The following GNAQ variants were observed in gnomAD, a reference collection of about 807,000 sequenced individuals.
GNAQ encodes the protein G protein subunit alpha q, also known as guanine nucleotide-binding protein G(q) subunit alpha.
GNAQ carries 8 observed loss-of-function variants against 43.9 expected under a neutral mutation model. The ratio of observed to expected loss-of-function variants is 0.18; its 90% confidence interval spans 0.11 to 0.33. The LOEUF (loss-of-function observed/expected upper bound fraction) is 0.33. GNAQ is among the 10% of genes least tolerant of loss of function. The probability of loss-of-function intolerance (pLI) is 1.00; values close to 1 mark genes in which losing one functional copy is unlikely to be tolerated. For missense variants in GNAQ, 158 were observed against 450.8 expected, an observed-to-expected ratio of 0.35 and a Z score of 5.88; for synonymous variants, 155 against 170.7, an observed-to-expected ratio of 0.91 and a Z score of 0.71.
intron 2 of GNAQ, among the ~76,000 whole-genome samples, chr9:77,830,587 A>C (rs572838868): frequency 6.6e-6 from 1 of 152,336 alleles, no homozygotes; most frequent in Admixed American, 6.5e-5. Context: ...ACAAAATGTT[A>C]GTCTTCCAAA....
chr9:78,018,545 A>G (rs1823866543), intron 1 of GNAQ, among the ~76,000 whole-genome samples: 1 of 152,232 alleles, frequency 6.6e-6, no homozygotes, highest in Admixed American at 6.5e-5. Context: ...TCATTCTTTC[A>G]AAGACTAGCA....
chr9:78,026,991 T>A (rs1051362326), intron 1 of GNAQ, among the ~76,000 whole-genome samples: 1 of 152,198 alleles, frequency 6.6e-6, no homozygotes, highest in Non-Finnish European at 1.5e-5. Flanking sequence ...GAGAAAAATG[T>A]ATGGTAAAAA....
At chr9:77,980,740 T>C (rs553284014) in intron 1 of GNAQ, among the ~76,000 whole-genome samples, 54 of 152,308 alleles carry the variant, frequency 3.5e-4, no homozygotes, top group Admixed American at 1.4e-3. Context: ...TGTGAATCAC[T>C]TGATAGGCTA....
intron 2 of GNAQ, among the ~76,000 whole-genome samples, chr9:77,904,165 C>T (rs1328888397): frequency 6.6e-6 from 1 of 152,070 alleles, no homozygotes; most frequent in Non-Finnish European, 1.5e-5. Flanking sequence ...ATCTATCCTG[C>T]ATCTACTTGG....
chr9:77,716,234 G>A lies in GNAQ; in HGVS notation c.*5089C>T, dbSNP rs1478423799. The stretch of plus-strand genomic sequence containing the variant: ...TGAGAGGGGCTCGGGCAACTTTAAT[G>A]GAAGCAAAACTCAACAATGAAGAAT... On this transcript the variant is annotated 3_prime_UTR_variant, in exon 7 of 7. Coordinates refer to ENST00000286548, the MANE Select transcript of GNAQ (RefSeq NM_002072.5). 4.5e-6 allele frequency: 1 copy of A among 219,928 alleles called. No individual in the cohort carries two copies. The highest frequency in any genetic ancestry group is 2.2e-5 in the African/African-American group (1 of 44,454). The allele number at this position is 219,928 out of a possible 1,614,324, so 13.6% of individuals were successfully genotyped here.
intron 1 of GNAQ, among the ~76,000 whole-genome samples, chr9:77,956,939 C>T (rs1285521009): frequency 6.6e-6 from 1 of 152,108 alleles, no homozygotes; most frequent in Non-Finnish European, 1.5e-5. Flanking sequence ...CTAGGTGATC[C>T]TGATGGACAA....
At chr9:77,797,779 GA>G in intron 3 of GNAQ, 131 bp from the exon 4 acceptor site, 2 of 738,884 alleles carry the variant, frequency 2.7e-6, no homozygotes, top group South Asian at 3.8e-5. Flanking sequence ...GAAAGTGGTA[GA>G]GGAGTCTGTG....
At chr9:77,826,088 C>G (rs181641524) in intron 2 of GNAQ, among the ~76,000 whole-genome samples, 1 of 152,290 alleles carries the variant, frequency 6.6e-6, no homozygotes, top group Admixed American at 6.5e-5. Flanking sequence ...AAGAGGACAA[C>G]AGGCTGTAGC....
chr9:77,844,754 C>G (rs1352025041), intron 2 of GNAQ, among the ~76,000 whole-genome samples: 1 of 151,998 alleles, frequency 6.6e-6, no homozygotes, highest in Non-Finnish European at 1.5e-5. Context: ...CTTACTGCAA[C>G]CTCTACCTCC....
intron 5 of GNAQ, among the ~76,000 whole-genome samples, chr9:77,761,835 T>G: frequency 2.1e-5 from 1 of 48,700 alleles, no homozygotes; most frequent in Non-Finnish European, 4.9e-5. Context: ...AGCCGCCCCG[T>G]CCGGGAGGGA....
intron 2 of GNAQ, among the ~76,000 whole-genome samples, chr9:77,839,726 T>A (rs1439023850): frequency 6.6e-6 from 1 of 152,240 alleles, no homozygotes; most frequent in Non-Finnish European, 1.5e-5. Flanking sequence ...GGCTATACTT[T>A]AACTTGGAGG....
intron 1 of GNAQ, 55 bp downstream of exon 1, chr9:78,031,045 C>T: frequency 3.0e-6 from 4 of 1,314,260 alleles, no homozygotes; most frequent in Non-Finnish European, 4.0e-6. Context: ...CCCGCAGGGC[C>T]AAGGATGGTG....
At chr9:77,797,675 T>C (rs960479253) in intron 3 of GNAQ, 27 bp from the exon 4 acceptor site, 1 of 1,608,596 alleles carries the variant, frequency 6.2e-7, no homozygotes, top group Non-Finnish European at 8.5e-7. Flanking sequence ...ACAATGAGAA[T>C]GTCAGTGACA....
chr9:77,763,165 A>C (rs1826081975), intron 5 of GNAQ, among the ~76,000 whole-genome samples: 1 of 151,756 alleles, frequency 6.6e-6, no homozygotes, highest in East Asian at 1.9e-4. Context: ...ACAAAGGAAA[A>C]GGTAAGTGCC....
intron 2 of GNAQ, among the ~76,000 whole-genome samples, chr9:77,846,879 C>T (rs1827594269): frequency 6.6e-6 from 1 of 152,170 alleles, no homozygotes; most frequent in Non-Finnish European, 1.5e-5. Flanking sequence ...TCTCACATTA[C>T]AGATGAGGAA....
rs1825271935 is a variant in GNAQ, at chr9:77,719,220, T to C, written c.*2103A>G. 1 of 231,842 alleles carries C rather than the reference T, an allele frequency of 4.3e-6. No individual in the cohort carries two copies. Among genetic ancestry groups the C allele is most frequent in the Non-Finnish European group, 8.5e-6 (1 of 117,338 alleles). The allele number at this position is 231,842 out of a possible 1,614,324, so 14.4% of individuals were successfully genotyped here. On this transcript the variant is annotated 3_prime_UTR_variant, in exon 7 of 7. Transcript: ENST00000286548. ...TCTTAAAAAAGTAAATAAAATAACA[T>C]TATTCAAAACGTGAATTAGCTATAG...
At chr9:77,920,505 TAAAC>T (rs1403942653) in intron 2 of GNAQ, among the ~76,000 whole-genome samples, 2 of 152,116 alleles carry the variant, frequency 1.3e-5, no homozygotes, top group Admixed American at 6.5e-5. Flanking sequence ...ATTAAAAAAA[TAAAC>T]AACAAACAAA....
Position 77,717,724 on chromosome 9 carries a change from A to C in GNAQ, c.*3599T>G, listed in dbSNP as rs1825247791. On this transcript the variant is annotated 3_prime_UTR_variant, in exon 7 of 7. Transcript: ENST00000286548. ...CCTTTTTAAAATAGGCCTGCTAGTT[A>C]ATCTACCAAAAAAAAAAAAATACAA... 2.2e-5 allele frequency: 5 copies of C among 231,136 alleles called. No homozygotes were observed. The highest frequency in any genetic ancestry group is 3.4e-5 in the Non-Finnish European group (4 of 117,630). The allele number at this position is 231,136 out of a possible 1,614,324, so 14.3% of individuals were successfully genotyped here. A position where few individuals can be genotyped will look rare whatever the true frequency, so the allele number is the denominator to read the frequency against.
At chr9:77,993,404 A>G (rs1222507049) in intron 1 of GNAQ, among the ~76,000 whole-genome samples, 1 of 152,224 alleles carries the variant, frequency 6.6e-6, no homozygotes, top group Non-Finnish European at 1.5e-5. Context: ...AAAAGAATAT[A>G]AAAGTGCAGA....
Sources: gnomAD v4.1 joint callset for allele counts (sites outside exome capture counted in the v4.1 genomes callset) on GRCh38, gnomAD v4.1.1 for gene constraint, MANE v1.5 for transcripts, NCBI Gene and HGNC (gene_info 2026-07-23, HGNC 2026-07-21) for gene names.